Variants in DIS3L2 observed in about 807,000 individuals in gnomAD.
The protein encoded by DIS3L2 is DIS3 like 3'-5' exoribonuclease 2, also known as DIS3-like exonuclease 2.
Under a neutral mutation model 97.5 loss-of-function variants are expected in DIS3L2, and 34 were observed. The observed-to-expected ratio is 0.35, with a 90% CI of 0.27 to 0.46. The LOEUF is 0.46. Ranked by LOEUF, DIS3L2 falls within the 20% of genes least tolerant of loss-of-function variation. The pLI, the probability that DIS3L2 is intolerant of heterozygous loss-of-function variation, is 1.00. For missense variants in DIS3L2, 1,038 were observed against 1,146.0 expected, an observed-to-expected ratio of 0.91 and a Z score of 1.36; for synonymous variants, 435 against 445.2, an observed-to-expected ratio of 0.98 and a Z score of 0.29.
At chr2:232,236,993 G>A (rs1049714072) in intron 10 of DIS3L2, among the ~76,000 whole-genome samples, 4 of 152,036 alleles carry the variant, frequency 2.6e-5, no homozygotes, top group Admixed American at 6.6e-5. Flanking sequence ...CAAGTGATCC[G>A]CCAGCCTTGA....
intron 6 of DIS3L2, among the ~76,000 whole-genome samples, chr2:232,116,887 T>C (rs1201937912): frequency 6.6e-6 from 1 of 152,100 alleles, no homozygotes; most frequent in Non-Finnish European, 1.5e-5. Flanking sequence ...CATTAAAGAA[T>C]GAATATGCCA....
intron 6 of DIS3L2, among the ~76,000 whole-genome samples, chr2:232,095,532 G>A (rs770096524): frequency 3.9e-5 from 6 of 152,088 alleles, no homozygotes; most frequent in Non-Finnish European, 8.8e-5. Flanking sequence ...AATAGTTGTT[G>A]TAGTTATTAT....
At chr2:232,158,687 A>G (rs1373804044) in intron 8 of DIS3L2, among the ~76,000 whole-genome samples, 1 of 152,016 alleles carries the variant, frequency 6.6e-6, no homozygotes, top group Non-Finnish European at 1.5e-5. Context: ...TCCAAACAGC[A>G]CTGGTCTTTT....
intron 16 of DIS3L2, among the ~76,000 whole-genome samples, chr2:232,332,919 T>A (rs539645246): frequency 6.6e-6 from 1 of 152,150 alleles, no homozygotes; most frequent in African/African-American, 2.4e-5. Context: ...GAGGCCCGTA[T>A]TGCACAGGGC....
At position 232,087,659 on chromosome 2, in the gene DIS3L2, G is replaced by A. The variant is rs751484549; in HGVS notation, c.539G>A (p.Gly180Asp). The A allele has an allele frequency of 1.4e-5, 23 of 1,614,056 alleles. No homozygotes were observed. The South Asian group carries it at 1.6e-4, about 12-fold the overall frequency. ...FDGSDSEDGH[G>D]ITQNVLVDGV... ...GGCAGCGACTCAGAAGATGGACATGGCATCACACAAAATGTGCTGGTTGAT... is the reference window on the plus strand; with the variant it reads ...GGCAGCGACTCAGAAGATGGACATGACATCACACAAAATGTGCTGGTTGAT... Residue 180 changes from glycine to aspartate, a missense_variant, in exon 6 of 21, where the codon GGC (glycine) becomes GAC (aspartate). By Grantham distance (94) the Gly-to-Asp change is moderately conservative. Coordinates refer to ENST00000325385, the MANE Select transcript of DIS3L2 (RefSeq NM_152383.5).
At chr2:232,188,416 T>G (rs145567091) in intron 9 of DIS3L2, among the ~76,000 whole-genome samples, 1 of 152,056 alleles carries the variant, frequency 6.6e-6, no homozygotes. Context: ...AATCCAGAAT[T>G]AGATCCACAC....
At chr2:232,295,698 A>G (rs572740065) in intron 13 of DIS3L2, among the ~76,000 whole-genome samples, 66 of 152,304 alleles carry the variant, frequency 4.3e-4, no homozygotes, top group Non-Finnish European at 7.9e-4. Context: ...AAAGAGTTGT[A>G]TTCACTCATG....
intron 4 of DIS3L2, among the ~76,000 whole-genome samples, chr2:232,025,741 A>G (rs895206883): frequency 6.6e-6 from 1 of 152,220 alleles, no homozygotes; most frequent in Non-Finnish European, 1.5e-5. Flanking sequence ...TCCAGGAATC[A>G]TAAAAACTAC....
At chr2:232,102,193 A>G (rs1478158703) in intron 6 of DIS3L2, among the ~76,000 whole-genome samples, 1 of 152,238 alleles carries the variant, frequency 6.6e-6, no homozygotes, top group African/African-American at 2.4e-5. Context: ...CTGGAAATAC[A>G]GGGGATATTG....
At chr2:232,252,653 C>A (rs1390823784) in intron 12 of DIS3L2, among the ~76,000 whole-genome samples, 2 of 152,220 alleles carry the variant, frequency 1.3e-5, no homozygotes, top group Non-Finnish European at 2.9e-5. Context: ...GTAGTCCCAA[C>A]ACTTTGGGAG....
intron 6 of DIS3L2, among the ~76,000 whole-genome samples, chr2:232,101,831 G>T (rs1697212393): frequency 6.6e-6 from 1 of 152,182 alleles, no homozygotes; most frequent in Admixed American, 6.5e-5. Context: ...TACAATACAG[G>T]TTAAACATTC....
intron 10 of DIS3L2, among the ~76,000 whole-genome samples, chr2:232,216,666 A>G (rs1432797514): frequency 6.6e-6 from 1 of 152,050 alleles, no homozygotes; most frequent in South Asian, 2.1e-4. Flanking sequence ...AAGATGCAAG[A>G]TATTTGATAT....
intron 1 of DIS3L2, among the ~76,000 whole-genome samples, chr2:232,001,967 C>T (rs1013384874): frequency 2.6e-5 from 4 of 152,128 alleles, no homozygotes; most frequent in Admixed American, 2.0e-4. Context: ...GTGATCCACC[C>T]GCCTTGGCCT....
intron 8 of DIS3L2, among the ~76,000 whole-genome samples, chr2:232,146,533 C>A (rs1381851463): frequency 1.3e-5 from 2 of 152,138 alleles, no homozygotes; most frequent in African/African-American, 4.8e-5. Flanking sequence ...CCTCAGCAAT[C>A]CAGTGGTGGT....
chr2:232,171,762 A>T (rs750770246), intron 9 of DIS3L2, among the ~76,000 whole-genome samples: 137 of 152,322 alleles, frequency 9.0e-4, no homozygotes, highest in Non-Finnish European at 1.7e-3. Flanking sequence ...AACCAGGATG[A>T]ATGGGCCCTA....
downstream of DIS3L2, among the ~76,000 whole-genome samples, chr2:232,338,829 G>A (rs1253257218): frequency 2.0e-5 from 3 of 152,286 alleles, no homozygotes; most frequent in African/African-American, 7.2e-5. Flanking sequence ...AACAGAAAGA[G>A]TGACCAGGCA....
intron 13 of DIS3L2, among the ~76,000 whole-genome samples, chr2:232,287,151 A>G (rs1387940560): frequency 6.6e-6 from 1 of 152,196 alleles, no homozygotes; most frequent in Non-Finnish European, 1.5e-5. Context: ...TACAGCCTCT[A>G]GAGAGATTAC....
At chr2:232,315,444 G>A (rs1231552283) in intron 14 of DIS3L2, among the ~76,000 whole-genome samples, 2 of 152,200 alleles carry the variant, frequency 1.3e-5, no homozygotes, top group South Asian at 2.1e-4. Context: ...GTCATCTTCT[G>A]TGGCTGCCTG....
chr2:232,162,034 G>A (rs1488038028), intron 8 of DIS3L2, among the ~76,000 whole-genome samples: 2 of 152,158 alleles, frequency 1.3e-5, no homozygotes, highest in Admixed American at 6.5e-5. Context: ...GCCTCCCAAA[G>A]TGCTAGGATT....
Sources: gnomAD v4.1 joint callset for allele counts (sites outside exome capture counted in the v4.1 genomes callset) on GRCh38, gnomAD v4.1.1 for gene constraint, MANE v1.5 for transcripts, NCBI Gene and HGNC (gene_info 2026-07-23, HGNC 2026-07-21) for gene names.